Variants in ST3GAL2 observed in about 807,000 individuals in gnomAD.
ST3GAL2 encodes the protein ST3 beta-galactoside alpha-2,3-sialyltransferase 2, also known as CMP-N-acetylneuraminate-beta-galactosamide-alpha-2,3-sialyltransferase 2.
ST3GAL2 carries 16 observed loss-of-function variants against 37.5 expected under a neutral mutation model. The ratio of observed to expected loss-of-function variants is 0.43; its 90% CI spans 0.29 to 0.65. ST3GAL2 has a LOEUF of 0.65. Among genes scored for constraint, ST3GAL2 ranks in the 30% least tolerant of loss-of-function variants. ST3GAL2 has a pLI of 0.17. For missense variants in ST3GAL2, 383 were observed against 487.8 expected (o/e 0.79, Z 2.02); for synonymous variants, 238 against 202.9 (o/e 1.17, Z -1.47).
intron 1 of ST3GAL2, among the ~76,000 whole-genome samples, chr16:70,412,422 T>A (rs188367159): frequency 2.0e-5 from 3 of 152,182 alleles, no homozygotes; most frequent in African/African-American, 7.2e-5. Flanking sequence ...GGTGGGCAGG[T>A]TGCTTGAGCC....
At chr16:70,402,949 C>T (rs1174248603) in intron 1 of ST3GAL2, among the ~76,000 whole-genome samples, 1 of 152,206 alleles carries the variant, frequency 6.6e-6, no homozygotes, top group African/African-American at 2.4e-5. Context: ...CTGCGCCTAG[C>T]CATGGAGTAT....
chr16:70,429,133 C>T (rs933453876), intron 1 of ST3GAL2, among the ~76,000 whole-genome samples: 10 of 152,294 alleles, frequency 6.6e-5, no homozygotes, highest in African/African-American at 2.4e-4. Context: ...AGGGAGATGC[C>T]AGAGCAGGCT....
intron 1 of ST3GAL2, among the ~76,000 whole-genome samples, chr16:70,409,413 G>A (rs1269882370): frequency 6.6e-6 from 1 of 151,386 alleles, no homozygotes. Flanking sequence ...GCGTGATCTT[G>A]GCTCACCGCA....
At chr16:70,435,590 C>T (rs1217208192) in intron 1 of ST3GAL2, among the ~76,000 whole-genome samples, 1 of 151,592 alleles carries the variant, frequency 6.6e-6, no homozygotes, top group East Asian at 1.9e-4. Flanking sequence ...AAGAGTGAAA[C>T]TCTATCTCAA....
At chr16:70,438,452 G>C (rs747990421) in intron 1 of ST3GAL2, among the ~76,000 whole-genome samples, 11 of 152,202 alleles carry the variant, frequency 7.2e-5, no homozygotes, top group Non-Finnish European at 1.3e-4. Context: ...GGGCCACTGA[G>C]GATGGTTAGG....
intron 1 of ST3GAL2, among the ~76,000 whole-genome samples, chr16:70,416,275 T>C (rs2047676399): frequency 6.6e-6 from 1 of 152,182 alleles, no homozygotes; most frequent in South Asian, 2.1e-4. Context: ...ATAAATAGCA[T>C]TCAGAGATGC....
chr16:70,424,225 C>T (rs1362898859), intron 1 of ST3GAL2, among the ~76,000 whole-genome samples: 2 of 144,410 alleles, frequency 1.4e-5, no homozygotes, highest in Non-Finnish European at 3.0e-5. Flanking sequence ...GAACTCCCGA[C>T]CTCAGGTGAT....
At chr16:70,435,445 A>C (rs927294963) in intron 1 of ST3GAL2, among the ~76,000 whole-genome samples, 1 of 151,964 alleles carries the variant, frequency 6.6e-6, no homozygotes, top group African/African-American at 2.4e-5. Flanking sequence ...AAAATACAAA[A>C]AAATTAGATG....
At chr16:70,408,019 C>CAA (rs1026614189) in intron 1 of ST3GAL2, among the ~76,000 whole-genome samples, 2 of 152,098 alleles carry the variant, frequency 1.3e-5, no homozygotes, top group Non-Finnish European at 2.9e-5. Context: ...CACCCACTTA[C>CAA]ACACAGCCTG....
intron 1 of ST3GAL2, among the ~76,000 whole-genome samples, chr16:70,408,048 C>T (rs988490115): frequency 3.3e-5 from 5 of 152,100 alleles, no homozygotes; most frequent in African/African-American, 9.7e-5. Flanking sequence ...TCCCAAAGCT[C>T]ATTCTAAAGG....
chr16:70,426,213 A>C (rs540928742), intron 1 of ST3GAL2, among the ~76,000 whole-genome samples: 1 of 44,634 alleles, frequency 2.2e-5, no homozygotes, highest in South Asian at 5.7e-4. Context: ...TTTGTTTTTG[A>C]GACTGAATCT....
chr16:70,408,719 CAG>C (rs1313279082), intron 1 of ST3GAL2, among the ~76,000 whole-genome samples: 1 of 151,578 alleles, frequency 6.6e-6, no homozygotes, highest in Non-Finnish European at 1.5e-5. Context: ...TGATGCCGCC[CAG>C]AGTTTGTAGC....
At position 70,381,679 on chromosome 16, in the gene ST3GAL2, G is replaced by C; in HGVS notation, c.*10C>G. 6.2e-7 allele frequency: 1 copy of C among 1,611,782 alleles called. No individual in the cohort carries two copies. The highest frequency in any genetic ancestry group is 8.5e-7 in the Non-Finnish European group (1 of 1,178,932). On this transcript the variant is annotated 3_prime_UTR_variant, in exon 7 of 7. Transcript: ENST00000342907. Reference sequence around the variant, plus strand: ...ATAGATGGGCCGGAAGGGTCGCGGCGAGGCCCGGCTCAGTTGCCCCGGTAG... The same window carrying C: ...ATAGATGGGCCGGAAGGGTCGCGGCCAGGCCCGGCTCAGTTGCCCCGGTAG...
intron 1 of ST3GAL2, among the ~76,000 whole-genome samples, chr16:70,403,890 G>A (rs1379822678): frequency 6.6e-6 from 1 of 152,012 alleles, no homozygotes; most frequent in Non-Finnish European, 1.5e-5. Context: ...ACCTACTCAG[G>A]AGGCTTAGGC....
chr16:70,433,021 G>A (rs541856961), intron 1 of ST3GAL2, among the ~76,000 whole-genome samples: 4 of 152,336 alleles, frequency 2.6e-5, no homozygotes, highest in Admixed American at 2.0e-4. Flanking sequence ...CCAGGATTCC[G>A]GGTGTGCGGT....
chr16:70,398,168 C>T, intron 2 of ST3GAL2, 24 bp downstream of exon 2: 1 of 1,603,076 alleles, frequency 6.2e-7, no homozygotes, highest in African/African-American at 1.3e-5. Context: ...GGACAGATCC[C>T]TGGAAGGGAG....
chr16:70,387,537 A>G (rs1213111402), intron 4 of ST3GAL2, among the ~76,000 whole-genome samples: 5 of 152,186 alleles, frequency 3.3e-5, no homozygotes, highest in Admixed American at 3.3e-4. Context: ...CCTGGGTAAG[A>G]GAGTGAGACT....
rs889510062 is a variant in ST3GAL2, at chr16:70,378,077, G to T, written c.*3612C>A. Reference sequence around the variant, plus strand: ...TATTTGGAACACACCCAAAAAACTGGATGAAAAAGCTCCCATTTTAGCAAT... The same window carrying T: ...TATTTGGAACACACCCAAAAAACTGTATGAAAAAGCTCCCATTTTAGCAAT... On this transcript the variant is annotated 3_prime_UTR_variant, in exon 7 of 7. Transcript: ENST00000342907. 1 of 152,108 alleles carries T rather than the reference G, an allele frequency of 6.6e-6. No homozygotes were observed. The highest frequency in any genetic ancestry group is 1.5e-5 in the Non-Finnish European group (1 of 68,030). The allele number at this position is 152,108 out of a possible 1,614,324, so 9.4% of individuals were successfully genotyped here.
intron 1 of ST3GAL2, among the ~76,000 whole-genome samples, chr16:70,420,022 C>T (rs140515974): frequency 1.5e-5 from 2 of 136,746 alleles, no homozygotes; most frequent in African/African-American, 2.9e-5. Context: ...CCCCCCCCTT[C>T]CCTTTTTTTT....
Sources: gnomAD v4.1 joint callset for allele counts (sites outside exome capture counted in the v4.1 genomes callset) on GRCh38, gnomAD v4.1.1 for gene constraint, MANE v1.5 for transcripts, NCBI Gene and HGNC (gene_info 2026-07-23, HGNC 2026-07-21) for gene names.